Variants in PPP2R2B observed in about 807,000 individuals in gnomAD.
PPP2R2B encodes serine/threonine-protein phosphatase 2A 55 kDa regulatory subunit B beta isoform.
Under a neutral mutation model 46.0 loss-of-function variants are expected in PPP2R2B, and 5 were observed. That is an observed-to-expected ratio of 0.11 (90% CI 0.06 to 0.23). The LOEUF (loss-of-function observed/expected upper bound fraction) is 0.23, where lower values mean the gene tolerates loss of function less well. Among genes scored for constraint, PPP2R2B ranks in the 10% least tolerant of loss-of-function variants. PPP2R2B has a pLI of 1.00. For missense variants in PPP2R2B, 367 were observed against 575.0 expected (o/e 0.64, Z 3.70); for synonymous variants, 215 against 206.7 (o/e 1.04, Z -0.34).
At chr5:146,674,253 AT>A (rs1777563951) in intron 5 of PPP2R2B, among the ~76,000 whole-genome samples, 5 of 152,322 alleles carry the variant, frequency 3.3e-5, no homozygotes, top group South Asian at 2.1e-4. Flanking sequence ...TAAAACTGAT[AT>A]GGTGAGAGCT....
At chr5:146,694,185 A>T (rs555768447) in intron 4 of PPP2R2B, among the ~76,000 whole-genome samples, 1 of 152,332 alleles carries the variant, frequency 6.6e-6, no homozygotes, top group South Asian at 2.1e-4. Flanking sequence ...GTATCTGGGC[A>T]TCACTTGGGC....
At chr5:146,985,232 G>A (rs1313588824) in intron 1 of PPP2R2B, among the ~76,000 whole-genome samples, 1 of 151,770 alleles carries the variant, frequency 6.6e-6, no homozygotes, top group Non-Finnish European at 1.5e-5. Flanking sequence ...TATGGGCCAG[G>A]CTGGTCTCGA....
At chr5:147,053,000 A>T (rs1023430217) in intron 1 of PPP2R2B, among the ~76,000 whole-genome samples, 1 of 152,082 alleles carries the variant, frequency 6.6e-6, no homozygotes, top group Non-Finnish European at 1.5e-5. Context: ...AATGCCTTTG[A>T]TACACTAAAT....
chr5:146,691,134 G>A lies in PPP2R2B; in HGVS notation c.441C>T (p.Thr147=), dbSNP rs61749639. Residue 147 remains threonine (T), a synonymous_variant, in exon 5 of 10, where the codon ACC becomes ACT. Transcript: ENST00000394411. The part of the protein sequence containing the change: ...GRLRDPATIT[T]LRVPVLRPMD... ...GGCAGCTGTTTGCACTCACCCGCAG[G>A]GTTGTGATGGTGGCAGGATCCCGGA... 5 of 1,613,804 alleles carry A rather than the reference G, an allele frequency of 3.1e-6. No homozygotes were observed. In the African/African-American group the frequency reaches 5.3e-5, roughly 17 times the overall value.
At chr5:146,621,510 T>C (rs1461387313) in intron 7 of PPP2R2B, among the ~76,000 whole-genome samples, 1 of 152,170 alleles carries the variant, frequency 6.6e-6, no homozygotes, top group Non-Finnish European at 1.5e-5. Context: ...TCTGAAGGCA[T>C]GGTTCCAGCA....
At chr5:146,933,459 A>C (rs376639305) in intron 1 of PPP2R2B, among the ~76,000 whole-genome samples, 1 of 152,244 alleles carries the variant, frequency 6.6e-6, no homozygotes, top group African/African-American at 2.4e-5. Flanking sequence ...CTCTCAGATA[A>C]GTATTTTGTC....
chr5:146,619,214 G>T (rs1292983397), intron 7 of PPP2R2B, among the ~76,000 whole-genome samples: 4 of 151,270 alleles, frequency 2.6e-5, no homozygotes. Context: ...GCAAACTAGA[G>T]TGTCCACACC....
intron 2 of PPP2R2B, among the ~76,000 whole-genome samples, chr5:146,764,251 A>G (rs1754335852): frequency 1.3e-5 from 2 of 152,120 alleles, no homozygotes; most frequent in African/African-American, 4.8e-5. Flanking sequence ...CCAGATGACA[A>G]AAGCCTTGTG....
chr5:147,065,204 G>A (rs559573117), intron 2 of PPP2R2B, among the ~76,000 whole-genome samples: 1 of 152,226 alleles, frequency 6.6e-6, no homozygotes, highest in Admixed American at 6.5e-5. Flanking sequence ...GAACATTCAG[G>A]ACCTTCTACA....
chr5:146,762,438 A>T (rs1216408387), intron 2 of PPP2R2B, among the ~76,000 whole-genome samples: 2 of 152,224 alleles, frequency 1.3e-5, no homozygotes, highest in East Asian at 3.9e-4. Context: ...CACATAACAC[A>T]GTTCCAGGCA....
chr5:146,964,656 G>C (rs1361121136), intron 1 of PPP2R2B, among the ~76,000 whole-genome samples: 2 of 152,068 alleles, frequency 1.3e-5, no homozygotes, highest in African/African-American at 4.8e-5. Flanking sequence ...TTCCCGAGTA[G>C]CTGGGACTAC....
At chr5:146,615,530 A>AAAAAAAAAAAAC (rs1773084676) in intron 7 of PPP2R2B, among the ~76,000 whole-genome samples, 1 of 143,044 alleles carries the variant, frequency 7.0e-6, no homozygotes, top group Non-Finnish European at 1.5e-5. Flanking sequence ...AAAAAAAAAA[A>AAAAAAAAAAAAC]GAAAAAAAAA....
At chr5:146,648,159 A>C (rs1775710183) in intron 6 of PPP2R2B, among the ~76,000 whole-genome samples, 1 of 152,152 alleles carries the variant, frequency 6.6e-6, no homozygotes, top group Admixed American at 6.6e-5. Flanking sequence ...AGCCAATGGA[A>C]TGCATACTTT....
chr5:146,872,098 G>A (rs1761647635), intron 2 of PPP2R2B, among the ~76,000 whole-genome samples: 1 of 152,036 alleles, frequency 6.6e-6, no homozygotes, highest in Admixed American at 6.6e-5. Flanking sequence ...TTTTCATTGG[G>A]CATTACCAAT....
rs181279237 is a variant in PPP2R2B, at chr5:146,784,955, C to T, written c.71-83813G>A. 3.0e-3 allele frequency among the ~76,000 whole-genome samples: 457 copies of T among 151,990 alleles called. 5 individuals are homozygous for T. Among genetic ancestry groups the T allele is most frequent in the African/African-American group, 9.8e-3 (406 of 41,454 alleles). ...TATCAACTTTTGGAATATATGATTG[C>T]GAAGAAAAAAGCAAACAGAAAATAA... On this transcript the variant is annotated intron_variant, in intron 2 of 9. Transcript: ENST00000394411.
At chr5:146,990,385 AT>A (rs1234957685) in intron 1 of PPP2R2B, among the ~76,000 whole-genome samples, 13 of 152,134 alleles carry the variant, frequency 8.5e-5, no homozygotes, top group Non-Finnish European at 5.9e-5. Context: ...AAACAGACCA[AT>A]GGAACAAAAT....
At chr5:146,673,474 ATT>A (rs1777501621) in intron 5 of PPP2R2B, among the ~76,000 whole-genome samples, 1 of 65,502 alleles carries the variant, frequency 1.5e-5, no homozygotes, top group African/African-American at 4.2e-5. Context: ...AAAGTAACCT[ATT>A]TAGAAGATTT....
chr5:146,670,021 C>A (rs535974163), intron 5 of PPP2R2B, among the ~76,000 whole-genome samples: 11 of 152,190 alleles, frequency 7.2e-5, no homozygotes, highest in Non-Finnish European at 1.3e-4. Flanking sequence ...AGAATCATAA[C>A]CAAAAAATGT....
intron 2 of PPP2R2B, among the ~76,000 whole-genome samples, chr5:146,874,917 C>T (rs1217698836): frequency 2.6e-5 from 4 of 152,166 alleles, no homozygotes; most frequent in Admixed American, 2.6e-4. Context: ...CATACACACA[C>T]TTCAAATTTT....
Sources: allele counts gnomAD v4.1 joint callset (sites outside exome capture counted in the v4.1 genomes callset), GRCh38; gene constraint gnomAD v4.1.1; transcripts MANE v1.5; gene names NCBI Gene and HGNC (gene_info 2026-07-23, HGNC 2026-07-21).